Variants in ITGA8 observed in about 807,000 individuals in gnomAD.
ITGA8 encodes integrin alpha-8.
ITGA8 carries 91 observed loss-of-function variants against 142.3 expected under a neutral mutation model. The observed-to-expected ratio is 0.64, with a 90% CI of 0.54 to 0.76. The LOEUF is 0.76. Ranked by LOEUF, ITGA8 falls within the 30% of genes least tolerant of loss-of-function variation. The pLI is 0.00. For missense variants in ITGA8, 1,406 were observed against 1,327.7 expected (o/e 1.06, Z -0.92); for synonymous variants, 505 against 485.2 (o/e 1.04, Z -0.54).
chr10:15,570,762 A>C (rs994449753), intron 25 of ITGA8, among the ~76,000 whole-genome samples: 2 of 152,214 alleles, frequency 1.3e-5, no homozygotes, highest in African/African-American at 4.8e-5. Flanking sequence ...CCACAAAAAA[A>C]CAAATAACTC....
At chr10:15,697,955 G>C (rs1031556206) in intron 2 of ITGA8, among the ~76,000 whole-genome samples, 1 of 151,982 alleles carries the variant, frequency 6.6e-6, no homozygotes, top group African/African-American at 2.4e-5. Flanking sequence ...GTGGTGTTTG[G>C]TTACATGAGT....
chr10:15,600,919 G>T (rs191201628), intron 20 of ITGA8, among the ~76,000 whole-genome samples: 2 of 152,132 alleles, frequency 1.3e-5, no homozygotes, highest in Non-Finnish European at 2.9e-5. Context: ...GAAGCCAGGG[G>T]ATGCTGATGT....
chr10:15,607,549 T>A (rs954934832), intron 17 of ITGA8, 128 bp downstream of exon 17: 21 of 858,194 alleles, frequency 2.4e-5, no homozygotes, highest in Non-Finnish European at 3.8e-5. Context: ...AAATAAAGTT[T>A]CCTGCTATGA....
intron 27 of ITGA8, among the ~76,000 whole-genome samples, chr10:15,534,227 T>G (rs1588629086): frequency 6.6e-6 from 1 of 152,148 alleles, no homozygotes; most frequent in Non-Finnish European, 1.5e-5. Flanking sequence ...CAATCTTGAC[T>G]GCCGTTTCTG....
At chr10:15,710,249 GT>G (rs1353958359) in intron 2 of ITGA8, among the ~76,000 whole-genome samples, 1 of 151,976 alleles carries the variant, frequency 6.6e-6, no homozygotes, top group African/African-American at 2.4e-5. Flanking sequence ...TGACTTTTAT[GT>G]TTTTTATTTA....
chr10:15,684,043 T>G lies in ITGA8; in HGVS notation c.529A>C (p.Asn177His). 1 of 1,614,200 alleles carries G rather than the reference T, an allele frequency of 6.2e-7. No individual in the cohort carries two copies. The highest frequency in any genetic ancestry group is 8.5e-7 in the Non-Finnish European group (1 of 1,180,028). Reference sequence around the variant, plus strand: ...GAGAACTCGGCATAGGCGCTGAAGTTCTGAATTGCTACATAGCAGGTGCCA... The same window carrying G: ...GAGAACTCGGCATAGGCGCTGAAGTGCTGAATTGCTACATAGCAGGTGCCA... The part of the protein sequence containing the change: ...PVGTCYVAIQ[N>H]FSAYAEFSPC... The change falls in exon 4 of 30, where the codon AAC becomes CAC. Residue 177 changes from asparagine to histidine, a missense_variant. By Grantham distance (68) the Asn-to-His change is moderately conservative. Coordinates refer to ENST00000378076, the MANE Select transcript of ITGA8 (RefSeq NM_003638.3).
At chr10:15,518,508 C>T (rs1833003461) in intron 29 of ITGA8, among the ~76,000 whole-genome samples, 1 of 152,206 alleles carries the variant, frequency 6.6e-6, no homozygotes, top group Admixed American at 6.5e-5. Flanking sequence ...GTCTATTAGT[C>T]ATGCTGCATA....
chr10:15,707,961 G>GACACACAC (rs138462340), intron 2 of ITGA8, among the ~76,000 whole-genome samples: 6,983 of 144,850 alleles, frequency 0.048, 187 homozygotes, highest in African/African-American at 0.063. Context: ...TGCACACACC[G>GACACACAC]ACACACACAC....
At chr10:15,550,151 G>A (rs146170818) in intron 26 of ITGA8, among the ~76,000 whole-genome samples, 48 of 152,218 alleles carry the variant, frequency 3.2e-4, no homozygotes, top group African/African-American at 9.9e-4. Context: ...TTCCTCTTTC[G>A]CTTGGCTCTC....
rs183430245 is a variant in ITGA8 at position 15,591,845 on chromosome 10, C to A, written c.2291+380G>T. ...TGAAGAGACTTCAGGATGGCCATTG[C>A]AAAATCTATGCTTTTTCTTTCACAG... On this transcript the variant is annotated intron_variant, in intron 22 of 29. Transcript: ENST00000378076. Among the ~76,000 whole-genome samples the A allele has an allele frequency of 5.4e-4, 82 of 152,116 alleles. 1 individual carries two copies. The highest frequency in any genetic ancestry group is 7.8e-4 in the Non-Finnish European group (53 of 68,028).
chr10:15,547,407 A>G (rs1004573812), intron 27 of ITGA8, among the ~76,000 whole-genome samples: 1 of 152,204 alleles, frequency 6.6e-6, no homozygotes, highest in Non-Finnish European at 1.5e-5. Context: ...CCCCATCTCT[A>G]CTAAAAATAC....
At chr10:15,671,062 A>C (rs552144452) in intron 8 of ITGA8, among the ~76,000 whole-genome samples, 1 of 152,294 alleles carries the variant, frequency 6.6e-6, no homozygotes, top group South Asian at 2.1e-4. Context: ...TTCTGTGTTC[A>C]TTATTTCATG....
At chr10:15,681,399 G>A (rs929065459) in intron 4 of ITGA8, among the ~76,000 whole-genome samples, 2 of 152,156 alleles carry the variant, frequency 1.3e-5, no homozygotes, top group African/African-American at 4.8e-5. Flanking sequence ...ACACCACAAA[G>A]GAAATAATTC....
intron 13 of ITGA8, among the ~76,000 whole-genome samples, chr10:15,623,095 C>T (rs1039754025): frequency 5.3e-5 from 8 of 152,052 alleles, no homozygotes; most frequent in Admixed American, 6.6e-5. Context: ...GGAATTTATC[C>T]TGAGGATATG....
Position 15,517,041 on chromosome 10 carries a change from T to TAA in ITGA8, c.*116_*117insTT. 1.8e-6 allele frequency: 1 copy of TAA among 547,424 alleles called. No homozygotes were observed. The highest frequency in any genetic ancestry group is 3.4e-5 in the South Asian group (1 of 29,024). The allele number at this position is 547,424 out of a possible 1,614,324, so 33.9% of individuals were successfully genotyped here. On this transcript the variant is annotated 3_prime_UTR_variant, in exon 30 of 30. Transcript: ENST00000378076. ...ATGAGGTGATGTTTCCAGGGTCCCC[T>TAA]CCATTTCCTGGGTCACTGTCAGGTA...
chr10:15,580,141 AAAAAAAGAGAAAAGGAGAAG>A (rs1005822576), intron 23 of ITGA8, among the ~76,000 whole-genome samples: 23 of 151,034 alleles, frequency 1.5e-4, no homozygotes, highest in African/African-American at 5.5e-4. Flanking sequence ...AAAAAAAAAA[AAAAAAAGAGAAAAGGAGAAG>A]ATATAAACTG....
At chr10:15,585,021 AGAGT>A (rs1439485252) in intron 23 of ITGA8, among the ~76,000 whole-genome samples, 1 of 152,112 alleles carries the variant, frequency 6.6e-6, no homozygotes, top group East Asian at 1.9e-4. Context: ...CCTGGGTGAC[AGAGT>A]GAGACCCAGT....
chr10:15,679,820 G>A (rs907492940), intron 4 of ITGA8, among the ~76,000 whole-genome samples: 1 of 152,140 alleles, frequency 6.6e-6, no homozygotes, highest in Non-Finnish European at 1.5e-5. Flanking sequence ...CAAGGCTATT[G>A]TTATCAAAAG....
At chr10:15,604,004 T>G (rs1833148892) in intron 20 of ITGA8, among the ~76,000 whole-genome samples, 1 of 152,188 alleles carries the variant, frequency 6.6e-6, no homozygotes, top group Admixed American at 6.5e-5. Flanking sequence ...AATCTATCTT[T>G]GCACTGTGGC....
Sources: gnomAD v4.1 joint callset for allele counts (sites outside exome capture counted in the v4.1 genomes callset) on GRCh38, gnomAD v4.1.1 for gene constraint, MANE v1.5 for transcripts, NCBI Gene and HGNC (gene_info 2026-07-23, HGNC 2026-07-21) for gene names.